CFAP20: variants seen among roughly 807,000 people sequenced by gnomAD.
CFAP20 encodes cilia and flagella associated protein 20.
In CFAP20, 14 loss-of-function variants were observed where a neutral mutation model predicts 25.5. The ratio of observed to expected loss-of-function variants is 0.55; its 90% CI spans 0.36 to 0.86. The LOEUF is 0.86. Ranked by LOEUF, CFAP20 falls within the 40% of genes least tolerant of loss-of-function variation. The probability of loss-of-function intolerance (pLI) is 0.01; values close to 1 mark genes in which losing one functional copy is unlikely to be tolerated. For synonymous variants in CFAP20, 75 were observed against 91.1 expected (o/e 0.82, Z 1.01); for missense variants, 181 against 248.0 (o/e 0.73, Z 1.81).
intron 1 of CFAP20, among the ~76,000 whole-genome samples, chr16:58,125,867 G>T (rs949775698): frequency 4.6e-5 from 7 of 152,216 alleles, no homozygotes; most frequent in Admixed American, 1.3e-4. Context: ...TTGACTTAAC[G>T]AACAACTATT....
Position 58,129,157 on chromosome 16 carries a change from T to C in CFAP20, c.-42A>G, listed in dbSNP as rs1960672511. 6 of 1,605,488 alleles carry C rather than the reference T, an allele frequency of 3.7e-6. No individual in the cohort carries two copies. Among genetic ancestry groups the C allele is most frequent in the Middle Eastern group, 1.6e-4 (1 of 6,074 alleles). Reference sequence around the variant, plus strand: ...TCCTAAGCCGCCCCCGGAGCCGACCTAGGCCCCGGAGTAGATACAGGCACC... The same window carrying C: ...TCCTAAGCCGCCCCCGGAGCCGACCCAGGCCCCGGAGTAGATACAGGCACC... On this transcript the variant is annotated 5_prime_UTR_variant, in exon 1 of 6. Coordinates refer to ENST00000262498, the MANE Select transcript of CFAP20 (RefSeq NM_013242.3).
intron 1 of CFAP20, among the ~76,000 whole-genome samples, chr16:58,125,656 C>T (rs1438225156): frequency 6.6e-6 from 1 of 152,024 alleles, no homozygotes; most frequent in East Asian, 1.9e-4. Context: ...TGCATTCCAG[C>T]CTGGGCAACA....
intron 1 of CFAP20, among the ~76,000 whole-genome samples, chr16:58,127,026 T>C (rs10445028): frequency 0.032 from 4,820 of 152,360 alleles, 102 homozygotes; most frequent in East Asian, 0.089. Flanking sequence ...ATGAGTGTTC[T>C]AAAGGTTTTG....
intron 1 of CFAP20, among the ~76,000 whole-genome samples, chr16:58,127,237 GC>G (rs1450356367): frequency 1.3e-5 from 2 of 152,104 alleles, no homozygotes; most frequent in South Asian, 2.1e-4. Flanking sequence ...ATAAAACACA[GC>G]ACACAAGATC....
chr16:58,122,111 A>G (rs572136104), intron 1 of CFAP20, among the ~76,000 whole-genome samples: 1 of 152,280 alleles, frequency 6.6e-6, no homozygotes, highest in Admixed American at 6.5e-5. Context: ...GGGAGAACTG[A>G]GCATAGCTCC....
chr16:58,115,104 C>T (rs924389951), intron 4 of CFAP20, 165 bp downstream of exon 4: 17 of 1,095,706 alleles, frequency 1.6e-5, no homozygotes, highest in African/African-American at 1.2e-4. Context: ...ATACCTGACC[C>T]GACTTCTGAA....
chr16:58,114,539 A>AAAAAAAAAG (rs1960430389), intron 5 of CFAP20, among the ~76,000 whole-genome samples: 1 of 151,880 alleles, frequency 6.6e-6, no homozygotes, highest in Non-Finnish European at 1.5e-5. Context: ...AAAAAAAAAA[A>AAAAAAAAAG]GTTAAGATAT....
At chr16:58,115,946 A>G in intron 3 of CFAP20, 95 bp downstream of exon 3, 3 of 840,872 alleles carry the variant, frequency 3.6e-6, no homozygotes, top group Non-Finnish European at 3.8e-6. Context: ...ATGCAAAAGG[A>G]TAAAGATACT....
intron 2 of CFAP20, 94 bp downstream of exon 2, chr16:58,116,778 G>A (rs1286752084): frequency 1.1e-5 from 13 of 1,141,640 alleles, no homozygotes; most frequent in East Asian, 4.9e-5. Context: ...ACTCACATCC[G>A]GCACTCTGAC....
intron 1 of CFAP20, chr16:58,117,173 T>C: frequency 1.8e-6 from 1 of 540,586 alleles, no homozygotes; most frequent in Non-Finnish European, 3.3e-6. Context: ...GGGAAACTTC[T>C]CCCCAAATAC....
chr16:58,125,866 C>T (rs945188566), intron 1 of CFAP20, among the ~76,000 whole-genome samples: 2 of 152,122 alleles, frequency 1.3e-5, no homozygotes, highest in Non-Finnish European at 2.9e-5. Flanking sequence ...TTTGACTTAA[C>T]GAACAACTAT....
At chr16:58,122,338 T>G (rs955453418) in intron 1 of CFAP20, among the ~76,000 whole-genome samples, 1 of 152,146 alleles carries the variant, frequency 6.6e-6, no homozygotes, top group African/African-American at 2.4e-5. Flanking sequence ...CCCAGCACTT[T>G]TGGAGGCTGA....
Position 58,113,778 on chromosome 16 carries a change from C to A in CFAP20, c.*247G>T. On this transcript the variant is annotated 3_prime_UTR_variant, in exon 6 of 6. Transcript: ENST00000262498. Reference sequence around the variant, plus strand: ...AAAGGTATCTCCCCCCACACTGGGGCAGGCGGCGGAATAAGCTCCAGCGTT... The same window carrying A: ...AAAGGTATCTCCCCCCACACTGGGGAAGGCGGCGGAATAAGCTCCAGCGTT... The A allele has an allele frequency of 2.0e-6, 1 of 507,802 alleles. No homozygotes were observed. Among genetic ancestry groups the A allele is most frequent in the African/African-American group, 1.9e-5 (1 of 52,350 alleles). The allele number at this position is 507,802 out of a possible 1,614,324, so 31.5% of individuals were successfully genotyped here. A position where few individuals can be genotyped will look rare whatever the true frequency, so the allele number is the denominator to read the frequency against.
chr16:58,124,164 G>A (rs1960577555), intron 1 of CFAP20, among the ~76,000 whole-genome samples: 1 of 152,202 alleles, frequency 6.6e-6, no homozygotes, highest in Non-Finnish European at 1.5e-5. Flanking sequence ...CAGAGCATGG[G>A]TTATGTGGCC....
Position 58,114,038 on chromosome 16 carries a change from G to GA in CFAP20, c.577-9dup, listed in dbSNP as rs1960421317. The GA allele has an allele frequency of 6.2e-7, 1 of 1,613,318 alleles. No homozygotes were observed. Among genetic ancestry groups the GA allele is most frequent in the Admixed American group, 1.7e-5 (1 of 59,996 alleles). The stretch of plus-strand genomic sequence containing the variant: ...TCACAATTCCAGTTATTGCTGAAGG[G>GA]AAAAAACAGAGAAGTGGCATCAGTT... On this transcript the variant is annotated splice_polypyrimidine_tract_variant and intron_variant, in intron 5 of 5. Transcript: ENST00000262498.
At chr16:58,115,637 ATCT>A (rs1960447516) in intron 3 of CFAP20, 180 bp from the exon 4 acceptor site, 7 of 680,518 alleles carry the variant, frequency 1.0e-5, no homozygotes, top group Non-Finnish European at 1.7e-5. Flanking sequence ...TAGCAAGTTT[ATCT>A]TGTTTGTTGC....
intron 1 of CFAP20, among the ~76,000 whole-genome samples, chr16:58,123,049 C>A (rs1960557089): frequency 6.6e-6 from 1 of 151,958 alleles, no homozygotes; most frequent in African/African-American, 2.4e-5. Flanking sequence ...GGCTGGAGTG[C>A]AATGGCACCA....
chr16:58,117,614 T>C (rs368273727), intron 1 of CFAP20, among the ~76,000 whole-genome samples: 37 of 152,174 alleles, frequency 2.4e-4, no homozygotes, highest in African/African-American at 8.7e-4. Context: ...TTTGTATCTT[T>C]AGTAGAGACG....
In CFAP20 at chr16:58,129,380, A is replaced by G. The variant is rs1408494520; in HGVS notation, c.-265T>C. 8.7e-6 allele frequency: 4 copies of G among 457,702 alleles called. No individual in the cohort carries two copies. The highest frequency in any genetic ancestry group is 2.0e-5 in the African/African-American group (1 of 50,518). The allele number at this position is 457,702 out of a possible 1,614,324, so 28.4% of individuals were successfully genotyped here. A position where few individuals can be genotyped will look rare whatever the true frequency, so the allele number is the denominator to read the frequency against. On this transcript the variant is annotated 5_prime_UTR_variant, in exon 1 of 6. Coordinates refer to ENST00000262498, the MANE Select transcript of CFAP20 (RefSeq NM_013242.3). ...GCGCCGCGGTATTTCCCCGCCTTCA[A>G]TGGAGGCGGAGGGCCGCCCGTTGCT...
Sources: gnomAD v4.1 joint callset for allele counts (sites outside exome capture counted in the v4.1 genomes callset) on GRCh38, gnomAD v4.1.1 for gene constraint, MANE v1.5 for transcripts, NCBI Gene and HGNC (gene_info 2026-07-23, HGNC 2026-07-21) for gene names.